Variants in LRP1B observed in about 807,000 individuals in gnomAD.
LRP1B encodes LDL receptor related protein 1B.
LRP1B carries 217 observed loss-of-function variants against 556.6 expected under a neutral mutation model. The observed-to-expected ratio is 0.39, with a 90% CI of 0.35 to 0.44. LRP1B has a LOEUF of 0.44. Among genes scored for constraint, LRP1B ranks in the 20% least tolerant of loss-of-function variants. The probability of loss-of-function intolerance (pLI) is 1.00; values close to 1 mark genes in which losing one functional copy is unlikely to be tolerated. For missense variants in LRP1B, 5,053 were observed against 5,620.8 expected (o/e 0.90, Z 3.23); for synonymous variants, 2,047 against 1,865.8 (o/e 1.10, Z -2.50).
At chr2:140,716,556 T>A in intron 36 of LRP1B, 126 bp downstream of exon 36, 1 of 930,942 alleles carries the variant, frequency 1.1e-6, no homozygotes, top group South Asian at 2.1e-5. Context: ...AAAGAGACTA[T>A]TTACCCCTGT....
In LRP1B at chr2:141,630,783, T is replaced by G. The variant is rs549648507; in HGVS notation, c.206-150250A>C. ...TGAAATCAATGTCTTAAGTCATGTT[T>G]GAATCACTCATCTTTTCTTTATCCA... On this transcript the variant is annotated intron_variant, in intron 2 of 90. Coordinates refer to ENST00000389484, the MANE Select transcript of LRP1B (RefSeq NM_018557.3). Among the ~76,000 whole-genome samples the G allele has an allele frequency of 6.6e-5, 10 of 152,362 alleles. No homozygotes were observed. In the South Asian group the frequency reaches 2.1e-3, roughly 32 times the overall value.
chr2:141,093,466 T>C (rs904008402), intron 7 of LRP1B, among the ~76,000 whole-genome samples: 16 of 152,180 alleles, frequency 1.1e-4, no homozygotes, highest in African/African-American at 3.9e-4. Flanking sequence ...TTCTGGGCTA[T>C]AATATTGTCC....
chr2:141,335,791 A>C (rs1050190025), intron 3 of LRP1B, among the ~76,000 whole-genome samples: 1 of 152,156 alleles, frequency 6.6e-6, no homozygotes, highest in African/African-American at 2.4e-5. Flanking sequence ...ACAGAGATGG[A>C]AAAAAAGAGA....
At chr2:142,024,453 C>A (rs1031050014) in intron 1 of LRP1B, among the ~76,000 whole-genome samples, 1 of 152,106 alleles carries the variant, frequency 6.6e-6, no homozygotes, top group South Asian at 2.1e-4. Flanking sequence ...ATGATGGTTC[C>A]TATCCTTTCC....
intron 1 of LRP1B, among the ~76,000 whole-genome samples, chr2:141,868,541 A>G (rs1698485975): frequency 6.6e-6 from 1 of 152,124 alleles, no homozygotes; most frequent in African/African-American, 2.4e-5. Context: ...TTTATTCACA[A>G]CGTTACAGAA....
intron 68 of LRP1B, among the ~76,000 whole-genome samples, chr2:140,373,534 T>C (rs928269300): frequency 2.6e-5 from 4 of 152,144 alleles, no homozygotes; most frequent in African/African-American, 7.2e-5. Flanking sequence ...TAAGTTACTC[T>C]GAGAGTATCA....
intron 7 of LRP1B, among the ~76,000 whole-genome samples, chr2:141,107,332 G>A (rs1191877751): frequency 6.6e-6 from 1 of 151,984 alleles, no homozygotes; most frequent in African/African-American, 2.4e-5. Context: ...ATCTTTGAAA[G>A]ATAAATTAAA....
chr2:141,482,785 C>T (rs1462532190), intron 2 of LRP1B, among the ~76,000 whole-genome samples: 1 of 151,920 alleles, frequency 6.6e-6, no homozygotes, highest in Non-Finnish European at 1.5e-5. Flanking sequence ...CATAAATGTC[C>T]AAGAAATGTT....
chr2:140,408,605 A>T (rs1289681499), intron 66 of LRP1B, among the ~76,000 whole-genome samples: 1 of 151,992 alleles, frequency 6.6e-6, no homozygotes, highest in Non-Finnish European at 1.5e-5. Flanking sequence ...TAAGATACTC[A>T]GAACACTATT....
intron 20 of LRP1B, among the ~76,000 whole-genome samples, 190 bp from the exon 21 acceptor site, chr2:140,923,337 T>C (rs995725909): frequency 1.1e-4 from 17 of 152,232 alleles, no homozygotes; most frequent in Non-Finnish European, 2.2e-4. Context: ...CTAATTCATT[T>C]AAATAACATT....
chr2:141,826,354 G>GTTTTTTTTTTTT (rs70994454), intron 1 of LRP1B, among the ~76,000 whole-genome samples: 1 of 97,074 alleles, frequency 1.0e-5, no homozygotes, highest in Non-Finnish European at 1.9e-5. Flanking sequence ...CTTTTCAGAA[G>GTTTTTTTTTTTT]TTTTTTTTTT....
In LRP1B at chr2:142,042,544, A is replaced by C. The variant is rs181197538; in HGVS notation, c.82+88104T>G. Among the ~76,000 whole-genome samples, 78 of 151,614 alleles carry C rather than the reference A, an allele frequency of 5.1e-4. 1 individual carries two copies. The highest frequency in any genetic ancestry group is 1.8e-3 in the African/African-American group (74 of 41,466). On this transcript the variant is annotated intron_variant, in intron 1 of 90. Transcript: ENST00000389484. ...CTACTGTCCCAGGTAGTTCTGAATTATGACTTTTTTTGATTTAACTGTTTG... is the reference window on the plus strand; with the variant it reads ...CTACTGTCCCAGGTAGTTCTGAATTCTGACTTTTTTTGATTTAACTGTTTG...
chr2:140,423,635 G>A (rs982548139), intron 66 of LRP1B, among the ~76,000 whole-genome samples: 4 of 151,940 alleles, frequency 2.6e-5, no homozygotes, highest in African/African-American at 7.2e-5. Flanking sequence ...TATATTGGGA[G>A]GAACTTTAGA....
chr2:140,773,483 T>C (rs1317308271), intron 33 of LRP1B, among the ~76,000 whole-genome samples: 1 of 151,136 alleles, frequency 6.6e-6, no homozygotes, highest in African/African-American at 2.4e-5. Flanking sequence ...AATAGATAAA[T>C]AAATAAGAGA....
At chr2:140,755,127 T>C (rs1688703602) in intron 35 of LRP1B, among the ~76,000 whole-genome samples, 1 of 151,956 alleles carries the variant, frequency 6.6e-6, no homozygotes, top group South Asian at 2.1e-4. Flanking sequence ...TAAAACATAA[T>C]GAAACATATG....
intron 86 of LRP1B, among the ~76,000 whole-genome samples, chr2:140,256,160 C>T (rs902795489): frequency 9.9e-5 from 15 of 152,010 alleles, no homozygotes; most frequent in Non-Finnish European, 1.5e-5. Flanking sequence ...AATTTAAGTG[C>T]TAGTATGGAT....
At chr2:141,772,876 C>G (rs541575698) in intron 2 of LRP1B, among the ~76,000 whole-genome samples, 1 of 152,288 alleles carries the variant, frequency 6.6e-6, no homozygotes, top group African/African-American at 2.4e-5. Context: ...GTTCTTTCTA[C>G]CCGTCAGGGC....
chr2:140,820,912 TAAA>T (rs5834782), intron 31 of LRP1B, among the ~76,000 whole-genome samples: 37,679 of 143,730 alleles, frequency 0.26, 5,077 homozygotes, highest in Non-Finnish European at 0.31. Context: ...GTTGCTTCTT[TAAA>T]AAAAAAAAAA....
intron 37 of LRP1B, among the ~76,000 whole-genome samples, chr2:140,707,920 C>G (rs1011082037): frequency 6.6e-6 from 1 of 152,082 alleles, no homozygotes; most frequent in Non-Finnish European, 1.5e-5. Flanking sequence ...GACACTACTG[C>G]ACTTTTCAAA....
Sources: gnomAD v4.1 joint callset for allele counts (sites outside exome capture counted in the v4.1 genomes callset) on GRCh38, gnomAD v4.1.1 for gene constraint, MANE v1.5 for transcripts, NCBI Gene and HGNC (gene_info 2026-07-23, HGNC 2026-07-21) for gene names.